The following AK5 variants were observed in gnomAD, a reference collection of about 807,000 sequenced individuals.
AK5 encodes adenylate kinase isoenzyme 5.
A neutral mutation model predicts 69.5 loss-of-function variants in AK5; 27 were observed. The ratio of observed to expected loss-of-function variants is 0.39; its 90% CI spans 0.29 to 0.54. AK5 has a LOEUF of 0.54. AK5 is among the 20% of genes least tolerant of loss of function. The pLI is 0.71. For synonymous variants in AK5, 260 were observed against 244.4 expected, an observed-to-expected ratio of 1.06 and a Z score of -0.60; for missense variants, 531 against 700.4, an observed-to-expected ratio of 0.76 and a Z score of 2.73.
chr1:77,430,500 T>A (rs988092205), intron 8 of AK5, among the ~76,000 whole-genome samples: 1 of 152,174 alleles, frequency 6.6e-6, no homozygotes, highest in African/African-American at 2.4e-5. Flanking sequence ...AATATATAGG[T>A]CTGGTGTTCA....
At chr1:77,531,296 C>T (rs1248425630) in intron 12 of AK5, among the ~76,000 whole-genome samples, 1 of 152,190 alleles carries the variant, frequency 6.6e-6, no homozygotes, top group Non-Finnish European at 1.5e-5. Context: ...ACAAAGCTTC[C>T]ACAGTGTGGA....
intron 6 of AK5, among the ~76,000 whole-genome samples, chr1:77,381,728 C>T (rs1304265229): frequency 6.6e-6 from 1 of 152,132 alleles, no homozygotes; most frequent in African/African-American, 2.4e-5. Flanking sequence ...TTTATCATTA[C>T]CACTATTCTC....
intron 6 of AK5, among the ~76,000 whole-genome samples, chr1:77,389,638 G>A (rs1439387300): frequency 3.9e-5 from 6 of 152,192 alleles, no homozygotes; most frequent in Non-Finnish European, 4.4e-5. Flanking sequence ...ATTATTTTAT[G>A]CATAATATGA....
intron 8 of AK5, among the ~76,000 whole-genome samples, chr1:77,474,621 A>T (rs1268628359): frequency 6.6e-6 from 1 of 152,194 alleles, no homozygotes; most frequent in African/African-American, 2.4e-5. Context: ...GGAACTCAGA[A>T]GGAAGAGGAC....
chr1:77,528,837 T>A (rs532325895), intron 12 of AK5, among the ~76,000 whole-genome samples: 5 of 152,348 alleles, frequency 3.3e-5, no homozygotes, highest in South Asian at 4.1e-4. Flanking sequence ...GGCCTGTATT[T>A]GGAGCCTGGC....
chr1:77,553,129 T>C (rs1659900295), intron 13 of AK5, among the ~76,000 whole-genome samples: 1 of 152,204 alleles, frequency 6.6e-6, no homozygotes, highest in South Asian at 2.1e-4. Flanking sequence ...TATGGTTTTC[T>C]TTTGGAAAGA....
chr1:77,525,148 AC>A (rs34038217), intron 12 of AK5, among the ~76,000 whole-genome samples: 2 of 152,038 alleles, frequency 1.3e-5, no homozygotes, highest in South Asian at 2.1e-4. Context: ...GCCTCATGTG[AC>A]CCGCCTGCCT....
intron 7 of AK5, among the ~76,000 whole-genome samples, chr1:77,415,021 A>G (rs72930540): frequency 1.8e-3 from 277 of 152,252 alleles, no homozygotes; most frequent in African/African-American, 6.5e-3. Flanking sequence ...AGGAGTAACA[A>G]TGTTTCAAGA....
At chr1:77,556,955 C>A (rs770928467) in intron 13 of AK5, among the ~76,000 whole-genome samples, 1 of 152,100 alleles carries the variant, frequency 6.6e-6, no homozygotes, top group Non-Finnish European at 1.5e-5. Context: ...CCACATGACT[C>A]ATGTAGATCA....
In AK5 at chr1:77,286,941, A is replaced by G; in HGVS notation, c.61A>G (p.Ser21Gly). ...ARREIPQLFESLLNGLMCSKP... is the reference protein window; with the variant it reads ...ARREIPQLFEGLLNGLMCSKP... ...TTGTACATATTTTGTTATATTTCAG[A>G]GCCTTTTGAATGGACTGATGTGTTC... Residue 21 changes from serine (S) to glycine (G), a missense_variant and splice_region_variant, in exon 2 of 14, where the codon AGC becomes GGC. Physicochemically the swap from Ser to Gly is moderately conservative, Grantham distance 56. Transcript: ENST00000354567. 1 of 1,415,880 alleles carries G rather than the reference A, an allele frequency of 7.1e-7. No individual in the cohort carries two copies. The highest frequency in any genetic ancestry group is 9.3e-7 in the Non-Finnish European group (1 of 1,078,986). 87.7% of individuals were successfully genotyped at this position (1,415,880 alleles called of 1,614,324 possible).
rs1654422581 is a variant in AK5, at chr1:77,470,844, TATATATATATATATATATATATATATATA to T, written c.1060-12472_1060-12444del. ...CATTTAGAATATATATATATATATA[TATATATATATATATATATATATATATATA>T]TATTTTTTTTTTTTTTTTTTTTTTT... On this transcript the variant is annotated intron_variant, in intron 8 of 13. Transcript: ENST00000354567. Among the ~76,000 whole-genome samples, 35 of 3,896 alleles carry T rather than the reference TATATATATATATATATATATATATATATA, an allele frequency of 9.0e-3. 3 individuals carry two copies. Among genetic ancestry groups the T allele is most frequent in the South Asian group, 0.028 (3 of 106 alleles). The allele number at this position is 3,896 out of a possible 152,430, so 2.6% of individuals were successfully genotyped here. A position where few individuals can be genotyped will look rare whatever the true frequency, so the allele number is the denominator to read the frequency against.
chr1:77,380,931 GTGAGGTAGGACTT>G (rs1553142419), intron 6 of AK5, among the ~76,000 whole-genome samples: 1 of 152,206 alleles, frequency 6.6e-6, no homozygotes, highest in Non-Finnish European at 1.5e-5. Context: ...GGAGTTTAGA[GTGAGGTAGGACTT>G]TGAAGAAGTG....
At chr1:77,379,969 C>A (rs2100499459) in intron 6 of AK5, among the ~76,000 whole-genome samples, 1 of 152,304 alleles carries the variant, frequency 6.6e-6, no homozygotes, top group South Asian at 2.1e-4. Context: ...TGTAGCATCT[C>A]AACAGCTTGC....
chr1:77,481,312 G>C (rs1001489305), intron 8 of AK5, among the ~76,000 whole-genome samples: 2 of 152,226 alleles, frequency 1.3e-5, no homozygotes, highest in Admixed American at 1.3e-4. Context: ...ATTGGATTAG[G>C]TGATCCCTAA....
chr1:77,513,244 A>C (rs554741905), intron 10 of AK5, among the ~76,000 whole-genome samples: 1 of 152,210 alleles, frequency 6.6e-6, no homozygotes, highest in Admixed American at 6.5e-5. Flanking sequence ...AAAGGTGATT[A>C]ATTACCCTTC....
chr1:77,417,918 A>T (rs1362668203), intron 8 of AK5: 5 of 444,460 alleles, frequency 1.1e-5, no homozygotes, highest in Non-Finnish European at 2.0e-5. Context: ...CCTAAGATTC[A>T]AAACACAGTG....
At chr1:77,391,432 CATATAT>C (rs1182177628) in intron 6 of AK5, among the ~76,000 whole-genome samples, 9 of 95,566 alleles carry the variant, frequency 9.4e-5, no homozygotes, top group African/African-American at 4.3e-4. Flanking sequence ...TATATATATA[CATATAT>C]ACATATATGT....
intron 7 of AK5, 37 bp from the exon 8 acceptor site, chr1:77,417,602 A>G: frequency 1.5e-6 from 2 of 1,299,490 alleles, no homozygotes; most frequent in Non-Finnish European, 2.2e-6. Flanking sequence ...ATACATAGAC[A>G]ACCTCCATCC....
intron 8 of AK5, among the ~76,000 whole-genome samples, chr1:77,423,369 C>T (rs1650982471): frequency 6.6e-6 from 1 of 152,006 alleles, no homozygotes; most frequent in South Asian, 2.1e-4. Context: ...CCTTCTATAG[C>T]TGACAGAGGC....
Sources: allele counts gnomAD v4.1 joint callset (sites outside exome capture counted in the v4.1 genomes callset), GRCh38; gene constraint gnomAD v4.1.1; transcripts MANE v1.5; gene names NCBI Gene and HGNC (gene_info 2026-07-23, HGNC 2026-07-21).